Variants in BST1 observed in about 807,000 individuals in gnomAD.
The protein encoded by BST1 is ADP-ribosyl cyclase/cyclic ADP-ribose hydrolase 2.
BST1 carries 49 observed loss-of-function variants against 40.6 expected under a neutral mutation model. The ratio of observed to expected loss-of-function variants is 1.21; its 90% CI spans 0.96 to 1.53. The LOEUF is 1.53. BST1 is among the 40% of genes most tolerant of loss of function. The probability of loss-of-function intolerance (pLI) is 0.00; values close to 1 mark genes in which losing one functional copy is unlikely to be tolerated. For missense variants in BST1, 423 were observed against 395.9 expected (o/e 1.07, Z -0.58); for synonymous variants, 157 against 159.3 (o/e 0.99, Z 0.11).
intron 2 of BST1, 21 bp downstream of exon 2, chr4:15,705,662 G>T (rs746882559): frequency 6.2e-7 from 1 of 1,613,044 alleles, no homozygotes; most frequent in South Asian, 1.1e-5. Context: ...AACCATCTTG[G>T]GTAAAACTGT....
intron 2 of BST1, 38 bp downstream of exon 2, chr4:15,705,679 T>C: frequency 6.2e-7 from 1 of 1,609,708 alleles, no homozygotes; most frequent in Non-Finnish European, 8.5e-7. Flanking sequence ...CTGTGTTCTC[T>C]GTCTCTACAG....
chr4:15,750,895 A>T, the BST1 span, among the ~76,000 whole-genome samples: 1 of 152,232 alleles, frequency 6.6e-6, no homozygotes, highest in African/African-American at 2.4e-5. Context: ...GTACTGATCA[A>T]GAATAAATTA....
At chr4:15,735,244 T>C (rs986101295), downstream of BST1, among the ~76,000 whole-genome samples, 1 of 152,088 alleles carries the variant, frequency 6.6e-6, no homozygotes, top group South Asian at 2.1e-4. Context: ...AGCAAAGAAT[T>C]CCCTAACAGG....
chr4:15,738,738 A>C (rs572673337), downstream of BST1, among the ~76,000 whole-genome samples: 4 of 152,332 alleles, frequency 2.6e-5, no homozygotes, highest in African/African-American at 9.6e-5. Flanking sequence ...CTGGTAAGCT[A>C]ACACAACAAT....
chr4:15,770,942 C>T, the BST1 span, among the ~76,000 whole-genome samples: 11 of 152,150 alleles, frequency 7.2e-5, no homozygotes, highest in African/African-American at 2.4e-4. Flanking sequence ...TACTATTTGC[C>T]CAAATAGCAA....
chr4:15,772,598 C>T, the BST1 span, among the ~76,000 whole-genome samples: 1 of 152,176 alleles, frequency 6.6e-6, no homozygotes, highest in African/African-American at 2.4e-5. Flanking sequence ...GCTAGGGGGT[C>T]CAGACCAGAG....
chr4:15,712,734 C>T (rs1720287108), intron 4 of BST1, among the ~76,000 whole-genome samples: 1 of 152,136 alleles, frequency 6.6e-6, no homozygotes, highest in Non-Finnish European at 1.5e-5. Flanking sequence ...GCAGGGGGTC[C>T]CTCCCAGATA....
intron 6 of BST1, among the ~76,000 whole-genome samples, chr4:15,718,564 G>A (rs1276446493): frequency 6.6e-6 from 1 of 152,044 alleles, no homozygotes; most frequent in Non-Finnish European, 1.5e-5. Context: ...AAATTGGCAG[G>A]TAGCATTGTG....
chr4:15,753,282 T>C, the BST1 span, among the ~76,000 whole-genome samples: 2 of 152,198 alleles, frequency 1.3e-5, no homozygotes, highest in Admixed American at 1.3e-4. Flanking sequence ...GGCTCAGATA[T>C]GTCAGAGCTG....
chr4:15,761,956 T>G, the BST1 span, among the ~76,000 whole-genome samples: 1 of 151,660 alleles, frequency 6.6e-6, no homozygotes, highest in African/African-American at 2.4e-5. Flanking sequence ...TCCCAGCACT[T>G]TGGGAGGCCG....
chr4:15,747,157 G>A, the BST1 span, among the ~76,000 whole-genome samples: 82 of 152,160 alleles, frequency 5.4e-4, no homozygotes, highest in Admixed American at 5.1e-3. Flanking sequence ...GACTGTGATC[G>A]TCCATTGTGG....
chr4:15,719,681 A>C (rs958503338), intron 7 of BST1, among the ~76,000 whole-genome samples: 5 of 152,068 alleles, frequency 3.3e-5, no homozygotes, highest in Non-Finnish European at 7.4e-5. Context: ...AACATTTCTG[A>C]GTGTCGCTGG....
intron 1 of BST1, among the ~76,000 whole-genome samples, 158 bp from the exon 2 acceptor site, chr4:15,705,357 G>T (rs112251409): frequency 5.9e-5 from 9 of 152,140 alleles, no homozygotes; most frequent in African/African-American, 2.2e-4. Flanking sequence ...TTCTGAATCT[G>T]TCACCTAAGC....
At chr4:15,737,890 C>T (rs1184004856) in exon 7 of BST1, 2 of 1,125,912 alleles carry the variant, frequency 1.8e-6, no homozygotes, top group Non-Finnish European at 2.4e-6. Context: ...TCCAGAGGCT[C>T]TGGCAAGAGT....
intron 4 of BST1, among the ~76,000 whole-genome samples, chr4:15,712,458 A>G (rs555972117): frequency 5.9e-5 from 9 of 152,284 alleles, no homozygotes; most frequent in Non-Finnish European, 1.0e-4. Context: ...TGTCATGAGA[A>G]TTAGAATAGA....
At chr4:15,765,766 C>T in the BST1 span, among the ~76,000 whole-genome samples, 1 of 152,082 alleles carries the variant, frequency 6.6e-6, no homozygotes, top group East Asian at 1.9e-4. Flanking sequence ...CTGAGTGAGA[C>T]CTTCCTTGGT....
downstream of BST1, among the ~76,000 whole-genome samples, chr4:15,736,736 A>G (rs950007573): frequency 6.6e-6 from 1 of 152,152 alleles, no homozygotes; most frequent in Non-Finnish European, 1.5e-5. Context: ...TATTCTCAAC[A>G]TAAGCCTTTG....
the BST1 span, among the ~76,000 whole-genome samples, chr4:15,755,659 AAAG>A: frequency 6.6e-6 from 1 of 152,202 alleles, no homozygotes; most frequent in Non-Finnish European, 1.5e-5. Flanking sequence ...CCCAAAGAAA[AAAG>A]AAATGCTGAG....
intron 8 of BST1, among the ~76,000 whole-genome samples, chr4:15,726,464 G>C (rs1037573084): frequency 6.6e-6 from 1 of 152,210 alleles, no homozygotes; most frequent in Non-Finnish European, 1.5e-5. Context: ...CACCTTCAGA[G>C]AAGTGCCCAG....
Sources: allele counts gnomAD v4.1 joint callset (sites outside exome capture counted in the v4.1 genomes callset), GRCh38; gene constraint gnomAD v4.1.1; transcripts MANE v1.5; gene names NCBI Gene and HGNC (gene_info 2026-07-23, HGNC 2026-07-21).